The following GABRR3 variants were observed in gnomAD, a reference collection of about 807,000 sequenced individuals.
The protein encoded by GABRR3 is gamma-aminobutyric acid receptor subunit rho-3.
A neutral mutation model predicts 43.2 loss-of-function variants in GABRR3; 29 were observed. The observed-to-expected ratio is 0.67, with a 90% CI of 0.50 to 0.92. The LOEUF is 0.92. Among genes scored for constraint, GABRR3 ranks in the 40% least tolerant of loss-of-function variants. The probability of loss-of-function intolerance (pLI) is 0.00; values close to 1 mark genes in which losing one functional copy is unlikely to be tolerated. For synonymous variants in GABRR3, 206 were observed against 195.9 expected (o/e 1.05, Z -0.43); for missense variants, 576 against 572.3 (o/e 1.01, Z -0.07).
intron 9 of GABRR3, among the ~76,000 whole-genome samples, chr3:97,991,549 A>G (rs1455842468): frequency 2.0e-5 from 3 of 152,260 alleles, no homozygotes; most frequent in African/African-American, 4.8e-5. Context: ...AAACAAAATC[A>G]GCTCTTATTA....
downstream of GABRR3, among the ~76,000 whole-genome samples, chr3:97,985,734 G>A (rs1239467994): frequency 6.6e-6 from 1 of 152,106 alleles, no homozygotes; most frequent in Non-Finnish European, 1.5e-5. Context: ...TACAAAATGC[G>A]AGATGTTATT....
chr3:97,986,588 T>G, downstream of GABRR3: 1 of 820,824 alleles, frequency 1.2e-6, no homozygotes, highest in South Asian at 1.9e-5. Flanking sequence ...GACTTGCTCT[T>G]TCCCAGTTCC....
intron 8 of GABRR3, among the ~76,000 whole-genome samples, chr3:97,996,502 C>G (rs1706554828): frequency 6.6e-6 from 1 of 152,140 alleles, no homozygotes; most frequent in Non-Finnish European, 1.5e-5. Flanking sequence ...CTGAGAGTGA[C>G]TACAGGCCTG....
At chr3:98,028,668 G>A (rs548510361) in intron 2 of GABRR3, among the ~76,000 whole-genome samples, 1 of 152,242 alleles carries the variant, frequency 6.6e-6, no homozygotes, top group African/African-American at 2.4e-5. Context: ...GGTAATAAAG[G>A]ACACTGCAGG....
At chr3:98,024,366 C>CAAAAAAAAA (rs35090836) in intron 3 of GABRR3, among the ~76,000 whole-genome samples, 1 of 42,458 alleles carries the variant, frequency 2.4e-5, no homozygotes, top group Non-Finnish European at 5.1e-5. Context: ...GACTCCGTCT[C>CAAAAAAAAA]AAAAAAAAAA....
chr3:98,019,063 T>C (rs1213904211), intron 3 of GABRR3, among the ~76,000 whole-genome samples: 1 of 149,880 alleles, frequency 6.7e-6, no homozygotes, highest in Admixed American at 6.7e-5. Flanking sequence ...TGAGCTGAGA[T>C]GGCGCCCCTG....
chr3:98,012,414 T>A, exon 5 of GABRR3: 1 of 1,613,990 alleles, frequency 6.2e-7, no homozygotes, highest in South Asian at 1.1e-5. Context: ...GTATCATGGA[T>A]GAAGGATCTT....
chr3:98,020,328 T>C (rs921465077), intron 3 of GABRR3, among the ~76,000 whole-genome samples: 1 of 152,078 alleles, frequency 6.6e-6, no homozygotes, highest in Non-Finnish European at 1.5e-5. Context: ...TGAACTTAAT[T>C]TGTAGTCAAT....
At chr3:98,012,344 C>T in exon 5 of GABRR3, 1 of 1,612,696 alleles carries the variant, frequency 6.2e-7, no homozygotes, top group Non-Finnish European at 8.5e-7. Context: ...CTTTCCTTAC[C>T]TGAGACTTAG....
chr3:98,034,836 C>G (rs774292906), intron 2 of GABRR3, 27 bp downstream of exon 2: 2 of 1,611,098 alleles, frequency 1.2e-6, no homozygotes, highest in Non-Finnish European at 1.7e-6. Flanking sequence ...GGCAGTAATT[C>G]CATGGACTGC....
chr3:97,986,964 T>C, exon 10 of GABRR3: 1 of 1,596,440 alleles, frequency 6.3e-7, no homozygotes, highest in African/African-American at 1.3e-5. Context: ...ACTGCATCAA[T>C]ATTGTACATC....
At chr3:97,996,986 T>C (rs533939957) in intron 8 of GABRR3, among the ~76,000 whole-genome samples, 3 of 152,160 alleles carry the variant, frequency 2.0e-5, no homozygotes, top group East Asian at 1.9e-4. Flanking sequence ...ATATGAACTA[T>C]GTGCAGGAGG....
chr3:98,030,920 A>G (rs1027558864), intron 2 of GABRR3, among the ~76,000 whole-genome samples: 1 of 152,248 alleles, frequency 6.6e-6, no homozygotes, highest in Admixed American at 6.5e-5. Context: ...AATCCAAGGA[A>G]TAAGGTAAAG....
chr3:98,012,513 A>G, exon 5 of GABRR3: 2 of 1,614,034 alleles, frequency 1.2e-6, no homozygotes, highest in Non-Finnish European at 8.5e-7. Context: ...GTGCTAGGAA[A>G]GGAGAGCCTC....
At chr3:98,002,711 T>A (rs1559775840) in intron 7 of GABRR3, among the ~76,000 whole-genome samples, 1 of 146,266 alleles carries the variant, frequency 6.8e-6, no homozygotes, top group African/African-American at 2.4e-5. Context: ...CTTTTCTGAA[T>A]AAGTAGCAAG....
At position 98,001,669 on chromosome 3, in the gene GABRR3, A is replaced by G. The variant is rs80273016; in HGVS notation, c.853T>C (p.Ser285Pro). Residue 285 changes from serine to proline, a missense_variant, in exon 8 of 10, where the codon TCA becomes CCA. Ser to Pro is a moderately conservative substitution (Grantham distance 74). Transcript: ENST00000621172. The stretch of plus-strand genomic sequence containing the variant: ...CGGTCAATCCAAAATGAAACCCATG[A>G]AAGCATCACCATCAATATGGCTGGG... The G allele has an allele frequency of 2.5e-6, 4 of 1,613,382 alleles. No homozygotes were observed. The Admixed American group carries it at 5.0e-5, about 20-fold the overall frequency.
chr3:98,034,532 A>T (rs1576054856), intron 2 of GABRR3, among the ~76,000 whole-genome samples: 1 of 152,222 alleles, frequency 6.6e-6, no homozygotes, highest in African/African-American at 2.4e-5. Flanking sequence ...TTGAAGAAAC[A>T]TTAAACAAGT....
intron 8 of GABRR3, chr3:97,999,247 G>A (rs916407631): frequency 3.9e-5 from 6 of 152,084 alleles, no homozygotes; most frequent in African/African-American, 1.4e-4. Flanking sequence ...ATGAGCTTGG[G>A]TAATGCATGG....
intron 5 of GABRR3, among the ~76,000 whole-genome samples, chr3:98,011,571 C>G (rs1021457536): frequency 6.6e-6 from 1 of 152,084 alleles, no homozygotes. Flanking sequence ...AATTTCTTCC[C>G]TATTTCAAGA....
Sources: gnomAD v4.1 joint callset for allele counts (sites outside exome capture counted in the v4.1 genomes callset) on GRCh38, gnomAD v4.1.1 for gene constraint, MANE v1.5 for transcripts, NCBI Gene and HGNC (gene_info 2026-07-23, HGNC 2026-07-21) for gene names.